The following SLC10A6 variants were observed in gnomAD, a reference collection of about 807,000 sequenced individuals.
SLC10A6 encodes sodium-dependent organic anion transporter.
A neutral mutation model predicts 30.0 loss-of-function variants in SLC10A6; 27 were observed. That is an observed-to-expected ratio of 0.90 (90% confidence interval 0.66 to 1.24). The LOEUF (loss-of-function observed/expected upper bound fraction) is 1.24. Ranked by LOEUF, SLC10A6 falls within the 50% of genes most tolerant of loss-of-function variation. SLC10A6 has a pLI of 0.00. For synonymous variants in SLC10A6, 166 were observed against 173.8 expected, an observed-to-expected ratio of 0.95 and a Z score of 0.36; for missense variants, 439 against 457.0, an observed-to-expected ratio of 0.96 and a Z score of 0.36.
chr4:86,844,134 C>T (rs935662197), intron 1 of SLC10A6, among the ~76,000 whole-genome samples: 6 of 152,106 alleles, frequency 3.9e-5, no homozygotes, highest in Admixed American at 2.6e-4. Flanking sequence ...GCCGAGATCA[C>T]GCCACTGCAC....
chr4:86,831,925 G>A, intron 2 of SLC10A6, 45 bp from the exon 3 acceptor site: 3 of 1,465,922 alleles, frequency 2.0e-6, no homozygotes, highest in Non-Finnish European at 2.8e-6. Flanking sequence ...CTCTCACCCT[G>A]ACTGCACAGT....
At chr4:86,830,240 A>G (rs939523887) in intron 3 of SLC10A6, among the ~76,000 whole-genome samples, 23 of 152,100 alleles carry the variant, frequency 1.5e-4, no homozygotes, top group African/African-American at 5.3e-4. Context: ...TAAAAAAAAA[A>G]TCTTTTTATT....
chr4:86,834,007 A>T (rs895457177), intron 1 of SLC10A6, among the ~76,000 whole-genome samples: 4 of 152,130 alleles, frequency 2.6e-5, no homozygotes, highest in Non-Finnish European at 5.9e-5. Context: ...CCTTAGCATA[A>T]CATTTTCGAC....
chr4:86,837,445 A>T (rs754628303), intron 1 of SLC10A6: 3 of 202,912 alleles, frequency 1.5e-5, no homozygotes, highest in African/African-American at 7.1e-5. Context: ...AATAAAATTT[A>T]AAAAAGAAGT....
intron 1 of SLC10A6, among the ~76,000 whole-genome samples, chr4:86,834,220 C>T (rs989241116): frequency 2.0e-5 from 3 of 152,094 alleles, no homozygotes; most frequent in Non-Finnish European, 4.4e-5. Context: ...CTGACACCTC[C>T]CTCCCCTCTC....
intron 1 of SLC10A6, among the ~76,000 whole-genome samples, chr4:86,841,262 C>T (rs988859613): frequency 1.3e-5 from 2 of 152,168 alleles, no homozygotes; most frequent in Non-Finnish European, 2.9e-5. Flanking sequence ...TATGTGATTG[C>T]TTCCATGTTT....
At chr4:86,846,743 A>ATG (rs1401872284) in intron 1 of SLC10A6, among the ~76,000 whole-genome samples, 3 of 152,068 alleles carry the variant, frequency 2.0e-5, no homozygotes, top group South Asian at 2.1e-4. Context: ...TTATCTATAT[A>ATG]TGTGTGTGTG....
At chr4:86,837,229 A>AAGAT (rs1746202927) in intron 1 of SLC10A6, among the ~76,000 whole-genome samples, 1 of 61,300 alleles carries the variant, frequency 1.6e-5, no homozygotes, top group Non-Finnish European at 2.9e-5. Flanking sequence ...GAGAGAGAGA[A>AAGAT]AGAAAGAAAG....
chr4:86,837,301 G>T (rs1746213662), intron 1 of SLC10A6, among the ~76,000 whole-genome samples: 1 of 120,960 alleles, frequency 8.3e-6, no homozygotes, highest in Non-Finnish European at 1.7e-5. Context: ...AAGGAAGGAA[G>T]GAAGGAAGGA....
intron 1 of SLC10A6, among the ~76,000 whole-genome samples, chr4:86,844,421 CTTA>C (rs1439570825): frequency 6.6e-6 from 1 of 152,158 alleles, no homozygotes; most frequent in African/African-American, 2.4e-5. Context: ...TCACCCCTCC[CTTA>C]TCCATGTCCG....
intron 1 of SLC10A6, among the ~76,000 whole-genome samples, chr4:86,835,021 T>C (rs1746156342): frequency 6.6e-6 from 1 of 152,152 alleles, no homozygotes; most frequent in Admixed American, 6.5e-5. Context: ...CATGATCCAA[T>C]AGCCTCCCAC....
At chr4:86,828,977 G>A (rs1361986306) in intron 3 of SLC10A6, among the ~76,000 whole-genome samples, 1 of 152,172 alleles carries the variant, frequency 6.6e-6, no homozygotes, top group Non-Finnish European at 1.5e-5. Flanking sequence ...GGATGTGAAG[G>A]AGGATGGTCG....
chr4:86,845,240 G>A (rs1290218184), intron 1 of SLC10A6, among the ~76,000 whole-genome samples: 1 of 152,210 alleles, frequency 6.6e-6, no homozygotes, highest in Admixed American at 6.5e-5. Context: ...CATGACTGGA[G>A]GAGACAAAAT....
At chr4:86,833,042 T>C (rs989355732) in intron 2 of SLC10A6, among the ~76,000 whole-genome samples, 1 of 152,182 alleles carries the variant, frequency 6.6e-6, no homozygotes, top group Non-Finnish European at 1.5e-5. Flanking sequence ...GATGAAAGTT[T>C]GCACTTTGTA....
chr4:86,827,335 G>A (rs1746013765), intron 4 of SLC10A6, among the ~76,000 whole-genome samples: 1 of 152,176 alleles, frequency 6.6e-6, no homozygotes, highest in African/African-American at 2.4e-5. Flanking sequence ...TGAAGGGTCT[G>A]CTCATCAGTA....
At chr4:86,827,422 C>A (rs569755794) in intron 4 of SLC10A6, among the ~76,000 whole-genome samples, 1 of 152,106 alleles carries the variant, frequency 6.6e-6, no homozygotes, top group Non-Finnish European at 1.5e-5. Flanking sequence ...AAAGCTTTAC[C>A]GGGCGCTTAG....
intron 1 of SLC10A6, among the ~76,000 whole-genome samples, chr4:86,845,734 C>T (rs78045500): frequency 6.6e-6 from 1 of 152,280 alleles, no homozygotes; most frequent in East Asian, 1.9e-4. Flanking sequence ...CTGTGAGCAA[C>T]ACAGCAAGAG....
chr4:86,828,173 A>T lies in SLC10A6; in HGVS notation c.586-5T>A, dbSNP rs1288553870. Reference sequence around the variant, plus strand: ...CCCACCAACAACGGCCCCAATCTGAAGCAAACAATAAAATAAGTGAATATA... The same window carrying T: ...CCCACCAACAACGGCCCCAATCTGATGCAAACAATAAAATAAGTGAATATA... On this transcript the variant is annotated splice_region_variant and splice_polypyrimidine_tract_variant and intron_variant, in intron 3 of 5. Coordinates refer to ENST00000273905, the MANE Select transcript of SLC10A6 (RefSeq NM_197965.3). The T allele has an allele frequency of 1.9e-6, 3 of 1,608,296 alleles. No homozygotes were observed. The highest frequency in any genetic ancestry group is 2.2e-5 in the South Asian group (2 of 90,602).
At chr4:86,833,559 C>T (rs545073589) in intron 1 of SLC10A6, 135 bp from the exon 2 acceptor site, 9 of 594,366 alleles carry the variant, frequency 1.5e-5, no homozygotes, top group Middle Eastern at 3.9e-4. Context: ...ATTTCTCTCC[C>T]GTTGTTTAAC....
Sources: gnomAD v4.1 joint callset for allele counts (sites outside exome capture counted in the v4.1 genomes callset) on GRCh38, gnomAD v4.1.1 for gene constraint, MANE v1.5 for transcripts, NCBI Gene and HGNC (gene_info 2026-07-23, HGNC 2026-07-21) for gene names.